The following FGGY variants were observed in gnomAD, a reference collection of about 807,000 sequenced individuals.
FGGY encodes the protein FGGY carbohydrate kinase domain containing, also known as FGGY carbohydrate kinase domain-containing protein.
In FGGY, 72 loss-of-function variants were observed where a neutral mutation model predicts 71.3. The observed-to-expected ratio is 1.01, with a 90% CI of 0.84 to 1.23. FGGY has a LOEUF of 1.23. FGGY is among the 50% of genes most tolerant of loss of function. FGGY has a pLI of 0.00. For synonymous variants in FGGY, 251 were observed against 250.3 expected (o/e 1.00, Z -0.02); for missense variants, 668 against 682.3 (o/e 0.98, Z 0.23).
chr1:59,356,553 C>A (rs866339471), intron 4 of FGGY, among the ~76,000 whole-genome samples: 2 of 152,038 alleles, frequency 1.3e-5, no homozygotes, highest in Non-Finnish European at 2.9e-5. Flanking sequence ...TCTCAGTGTC[C>A]CTAGCCTCCA....
At chr1:59,403,052 A>G (rs757892459) in intron 5 of FGGY, among the ~76,000 whole-genome samples, 1 of 152,126 alleles carries the variant, frequency 6.6e-6, no homozygotes, top group Non-Finnish European at 1.5e-5. Flanking sequence ...GGGGCTTGCC[A>G]TGGTCTGGAT....
chr1:59,465,292 CTG>C (rs2092547313), intron 6 of FGGY, among the ~76,000 whole-genome samples: 1 of 151,734 alleles, frequency 6.6e-6, no homozygotes, highest in Non-Finnish European at 1.5e-5. Flanking sequence ...GCAGAAAAGA[CTG>C]ACAAAATTTA....
At chr1:59,299,543 T>C (rs1374750127) in intron 1 of FGGY, among the ~76,000 whole-genome samples, 1 of 151,956 alleles carries the variant, frequency 6.6e-6, no homozygotes, top group East Asian at 1.9e-4. Flanking sequence ...ATTAGGAAAA[T>C]AGAATGGTTA....
At chr1:59,505,175 G>GTGTCTACAAGATGTAA (rs1553252288) in intron 6 of FGGY, among the ~76,000 whole-genome samples, 1 of 152,152 alleles carries the variant, frequency 6.6e-6, no homozygotes, top group East Asian at 1.9e-4. Flanking sequence ...AATTGCATAG[G>GTGTCTACAAGATGTAA]TGTCTACAAG....
At chr1:59,692,910 C>G (rs943356385) in intron 14 of FGGY, among the ~76,000 whole-genome samples, 2 of 152,188 alleles carry the variant, frequency 1.3e-5, no homozygotes, top group Admixed American at 6.5e-5. Flanking sequence ...GTGGAAGAAA[C>G]TCTGGACTTG....
At chr1:59,472,783 T>A (rs1258680868) in intron 6 of FGGY, among the ~76,000 whole-genome samples, 1 of 149,526 alleles carries the variant, frequency 6.7e-6, no homozygotes, top group Non-Finnish European at 1.5e-5. Flanking sequence ...GGTGGAGAAC[T>A]TTTGTGTCTA....
At chr1:59,539,547 T>A (rs189195390) in intron 7 of FGGY, among the ~76,000 whole-genome samples, 2 of 152,286 alleles carry the variant, frequency 1.3e-5, no homozygotes, top group East Asian at 3.9e-4. Context: ...GCCGATTGGT[T>A]ATCACTATGG....
chr1:59,428,791 A>G (rs920934575), intron 5 of FGGY, among the ~76,000 whole-genome samples: 1 of 152,194 alleles, frequency 6.6e-6, no homozygotes, highest in Non-Finnish European at 1.5e-5. Flanking sequence ...TCCGAAGTCT[A>G]TGATGGCACC....
chr1:59,509,716 T>A (rs1277209360), intron 6 of FGGY, among the ~76,000 whole-genome samples: 1 of 152,248 alleles, frequency 6.6e-6, no homozygotes, highest in Non-Finnish European at 1.5e-5. Context: ...CCAGATCTCC[T>A]GTCTGCATGC....
chr1:59,414,500 T>C (rs1047575238), intron 5 of FGGY, among the ~76,000 whole-genome samples: 2 of 152,208 alleles, frequency 1.3e-5, no homozygotes, highest in Non-Finnish European at 2.9e-5. Context: ...GAGGACCCTC[T>C]GGAGTTCATC....
intron 8 of FGGY, among the ~76,000 whole-genome samples, chr1:59,598,982 C>T (rs1345645498): frequency 6.6e-6 from 1 of 152,202 alleles, no homozygotes; most frequent in Non-Finnish European, 1.5e-5. Context: ...ACAGGAATTA[C>T]AGAGTTAAGT....
At chr1:59,686,376 T>A (rs993463688) in intron 14 of FGGY, among the ~76,000 whole-genome samples, 1 of 152,210 alleles carries the variant, frequency 6.6e-6, no homozygotes, top group Non-Finnish European at 1.5e-5. Flanking sequence ...GCAACAGATG[T>A]TGAAGCATAT....
intron 9 of FGGY, among the ~76,000 whole-genome samples, chr1:59,616,902 A>G (rs1487383228): frequency 1.3e-5 from 2 of 152,142 alleles, no homozygotes; most frequent in East Asian, 1.9e-4. Flanking sequence ...AAGTGACTAA[A>G]GGTAGCAATT....
intron 12 of FGGY, among the ~76,000 whole-genome samples, chr1:59,663,725 T>A (rs1406833919): frequency 1.3e-5 from 2 of 152,108 alleles, no homozygotes; most frequent in Non-Finnish European, 2.9e-5. Flanking sequence ...TTGTGAGGGG[T>A]TCAGTCTGTT....
At chr1:59,584,187 C>T (rs1439420615) in intron 8 of FGGY, among the ~76,000 whole-genome samples, 1 of 147,852 alleles carries the variant, frequency 6.8e-6, no homozygotes, top group Non-Finnish European at 1.5e-5. Flanking sequence ...ATCCTGATAC[C>T]AAAGCCTGGC....
chr1:59,364,234 G>A (rs1347869097), intron 4 of FGGY, among the ~76,000 whole-genome samples: 1 of 152,154 alleles, frequency 6.6e-6, no homozygotes, highest in African/African-American at 2.4e-5. Flanking sequence ...CAGTGGTGCT[G>A]CACTGACCTG....
At chr1:59,496,991 T>C (rs537991873) in intron 6 of FGGY, among the ~76,000 whole-genome samples, 38 of 152,206 alleles carry the variant, frequency 2.5e-4, no homozygotes, top group Admixed American at 1.2e-3. Flanking sequence ...ATGTTAGGTG[T>C]TATGGCAATA....
At chr1:59,555,661 T>C (rs1400993210) in intron 8 of FGGY, among the ~76,000 whole-genome samples, 1 of 152,178 alleles carries the variant, frequency 6.6e-6, no homozygotes, top group Admixed American at 6.5e-5. Flanking sequence ...TCCTTCTGTT[T>C]GGGCTCTGGG....
intron 4 of FGGY, among the ~76,000 whole-genome samples, chr1:59,362,032 C>G (rs1395529912): frequency 6.6e-6 from 1 of 152,184 alleles, no homozygotes; most frequent in Non-Finnish European, 1.5e-5. Context: ...CGGCTGATTT[C>G]TGCCCTCCCT....
Sources: gnomAD v4.1 joint callset for allele counts (sites outside exome capture counted in the v4.1 genomes callset) on GRCh38, gnomAD v4.1.1 for gene constraint, MANE v1.5 for transcripts, NCBI Gene and HGNC (gene_info 2026-07-23, HGNC 2026-07-21) for gene names.